The following MYT1L variants were observed in gnomAD, a reference collection of about 807,000 sequenced individuals.
MYT1L encodes the protein myelin transcription factor 1-like protein.
Under a neutral mutation model 126.7 loss-of-function variants are expected in MYT1L, and 12 were observed. That is an observed-to-expected ratio of 0.09 (90% CI 0.06 to 0.15). The LOEUF is 0.15. Ranked by LOEUF, MYT1L falls within the 10% of genes least tolerant of loss-of-function variation. The pLI is 1.00. For missense variants in MYT1L, 979 were observed against 1,585.2 expected, an observed-to-expected ratio of 0.62 and a Z score of 6.49; for synonymous variants, 541 against 604.2, an observed-to-expected ratio of 0.90 and a Z score of 1.53.
intron 24 of MYT1L, 74 bp downstream of exon 24, chr2:1,792,247 T>A: frequency 6.8e-7 from 1 of 1,474,224 alleles, no homozygotes; most frequent in Non-Finnish European, 9.0e-7. Flanking sequence ...AAAATAACGA[T>A]AAAAACGGCA....
intron 3 of MYT1L, among the ~76,000 whole-genome samples, chr2:2,099,098 G>T (rs956895945): frequency 6.6e-6 from 1 of 152,164 alleles, no homozygotes; most frequent in Non-Finnish European, 1.5e-5. Flanking sequence ...GATCAGCCCT[G>T]CCTGCTTCTT....
intron 3 of MYT1L, among the ~76,000 whole-genome samples, chr2:2,064,108 C>A (rs905472732): frequency 6.6e-6 from 1 of 152,190 alleles, no homozygotes; most frequent in Non-Finnish European, 1.5e-5. Flanking sequence ...TAAGTATTGA[C>A]AGCAGAACTG....
chr2:2,067,154 G>C (rs577235932), intron 3 of MYT1L, among the ~76,000 whole-genome samples: 3 of 152,154 alleles, frequency 2.0e-5, no homozygotes, highest in South Asian at 4.1e-4. Context: ...ATCAGGAAAG[G>C]GGGGTAGTTC....
chr2:1,799,995 G>C (rs111248582), intron 23 of MYT1L, among the ~76,000 whole-genome samples: 74 of 152,170 alleles, frequency 4.9e-4, no homozygotes, highest in African/African-American at 1.7e-3. Context: ...ATTTCCTGAG[G>C]CCTCCCCAGC....
At chr2:1,866,501 CAGAG>C (rs1188501285) in intron 18 of MYT1L, among the ~76,000 whole-genome samples, 1 of 96,938 alleles carries the variant, frequency 1.0e-5, no homozygotes, top group African/African-American at 4.2e-5. Context: ...GAGAGGCAGG[CAGAG>C]AGAGAAGGGG....
Position 1,848,395 on chromosome 2 carries a change from C to G in MYT1L, c.2774+3246G>C, listed in dbSNP as rs555949282. On this transcript the variant is annotated intron_variant, in intron 19 of 24. Transcript: ENST00000647738. This position sits in a 1 kb window ranked among gnomAD's most constrained non-coding sequence, Gnocchi z 4.8. The stretch of plus-strand genomic sequence containing the variant: ...GGGAGAATTCCAGACACCACAGGTG[C>G]GCGAGGCGGATCTGTGCTCTGAACA... 4.6e-5 allele frequency among the ~76,000 whole-genome samples: 7 copies of G among 151,780 alleles called. No homozygotes were observed. Among genetic ancestry groups the G allele is most frequent in the Non-Finnish European group, 1.0e-4 (7 of 67,996 alleles).
At chr2:1,879,186 C>G (rs1048625327) in intron 18 of MYT1L, among the ~76,000 whole-genome samples, 2 of 152,142 alleles carry the variant, frequency 1.3e-5, no homozygotes, top group Non-Finnish European at 2.9e-5. Flanking sequence ...TGGGAGAGAA[C>G]GAGTCTCTCC....
Position 1,947,788 on chromosome 2 carries a change from T to C in MYT1L, c.153-4454A>G, listed in dbSNP as rs76422985. ...AGGTGAGTGTGTGTGGAAAGTCAAG[T>C]ACACATGGAAAAGAAAAGTGAGGAG... On this transcript the variant is annotated intron_variant, in intron 8 of 24. Coordinates refer to ENST00000647738, the MANE Select transcript of MYT1L (RefSeq NM_001303052.2). Among the ~76,000 whole-genome samples, 29 of 152,354 alleles carry C rather than the reference T, an allele frequency of 1.9e-4. No individual in the cohort carries two copies. In the East Asian group the frequency reaches 5.4e-3, roughly 28 times the overall value.
chr2:2,019,240 G>A (rs913906253), intron 4 of MYT1L, among the ~76,000 whole-genome samples: 2 of 151,978 alleles, frequency 1.3e-5, no homozygotes, highest in South Asian at 2.1e-4. Flanking sequence ...TCTTGTGACA[G>A]TGAGTAAGTC....
At position 2,168,008 on chromosome 2, in the gene MYT1L, A is replaced by C. The variant is rs531268059; in HGVS notation, c.-304+4864T>G. On this transcript the variant is annotated intron_variant, in intron 3 of 24. Coordinates refer to ENST00000647738, the MANE Select transcript of MYT1L (RefSeq NM_001303052.2). ...AACAATGCATTTTATTTTAAAAAAA[A>C]ATAGGCATTTACTTCATTTAGATAT... Among the ~76,000 whole-genome samples, 12 of 152,366 alleles carry C rather than the reference A, an allele frequency of 7.9e-5. No individual in the cohort carries two copies. In the East Asian group the frequency reaches 2.3e-3, roughly 29 times the overall value.
chr2:2,001,081 G>A (rs1443623824), intron 4 of MYT1L, among the ~76,000 whole-genome samples: 1 of 151,790 alleles, frequency 6.6e-6, no homozygotes, highest in African/African-American at 2.4e-5. Context: ...CTTGACATTC[G>A]TGCCCCCATA....
chr2:1,960,546 A>C (rs1208446362), intron 8 of MYT1L, among the ~76,000 whole-genome samples: 1 of 152,230 alleles, frequency 6.6e-6, no homozygotes, highest in East Asian at 1.9e-4. Context: ...AATAAGACTG[A>C]TACTGCCAAT....
At chr2:2,110,320 G>A (rs114604718) in intron 3 of MYT1L, among the ~76,000 whole-genome samples, 206 of 151,800 alleles carry the variant, frequency 1.4e-3, no homozygotes, top group Non-Finnish European at 2.6e-3. Context: ...TATTTAATTC[G>A]AGCTCCATTT....
intron 4 of MYT1L, among the ~76,000 whole-genome samples, chr2:2,021,003 C>T (rs756441839): frequency 1.1e-4 from 17 of 152,316 alleles, no homozygotes; most frequent in Admixed American, 2.6e-4. Context: ...GGTGAGTCTG[C>T]GTCCTCAGGG....
chr2:1,960,034 G>A (rs2058830635), intron 8 of MYT1L, among the ~76,000 whole-genome samples: 1 of 152,130 alleles, frequency 6.6e-6, no homozygotes, highest in Non-Finnish European at 1.5e-5. Context: ...AGCATTTAAA[G>A]ACTGGCCCCC....
intron 4 of MYT1L, among the ~76,000 whole-genome samples, chr2:2,006,431 C>G (rs1418947713): frequency 6.6e-6 from 1 of 152,094 alleles, no homozygotes; most frequent in African/African-American, 2.4e-5. Context: ...ATTTTATTAA[C>G]TTTAGTTTTC....
At chr2:1,905,377 C>T (rs186568106) in intron 13 of MYT1L, among the ~76,000 whole-genome samples, 159 of 148,892 alleles carry the variant, frequency 1.1e-3, no homozygotes, top group African/African-American at 3.8e-3. Context: ...TTTTTTAAGA[C>T]GGAATTTTGC....
At chr2:2,308,483 C>G (rs1250449898) in intron 1 of MYT1L, among the ~76,000 whole-genome samples, 1 of 151,666 alleles carries the variant, frequency 6.6e-6, no homozygotes, top group African/African-American at 2.4e-5. Flanking sequence ...TCTATCTATA[C>G]TCCAACTATG....
intron 4 of MYT1L, among the ~76,000 whole-genome samples, chr2:2,029,409 C>T (rs1037802260): frequency 1.2e-4 from 18 of 152,176 alleles, no homozygotes; most frequent in South Asian, 6.2e-4. Context: ...TCTTACATGG[C>T]GGCAGGCAAG....
Sources: gnomAD v4.1 joint callset for allele counts (sites outside exome capture counted in the v4.1 genomes callset) on GRCh38, gnomAD v4.1.1 for gene constraint, Gnocchi (gnomAD v3.1) non-coding constraint, MANE v1.5 for transcripts, NCBI Gene and HGNC (gene_info 2026-07-23, HGNC 2026-07-21) for gene names.